ARRB1: variants seen among roughly 807,000 people sequenced by gnomAD.
ARRB1 encodes the protein beta-arrestin-1.
Under a neutral mutation model 56.8 loss-of-function variants are expected in ARRB1, and 21 were observed. That is an observed-to-expected ratio of 0.37 (90% CI 0.26 to 0.53). The LOEUF is 0.53. Among genes scored for constraint, ARRB1 ranks in the 20% least tolerant of loss-of-function variants. ARRB1 has a pLI of 0.88. For missense variants in ARRB1, 424 were observed against 553.7 expected (o/e 0.77, Z 2.35); for synonymous variants, 210 against 218.6 (o/e 0.96, Z 0.35).
At chr11:75,300,220 AAAG>A (rs1946868030) in intron 1 of ARRB1, among the ~76,000 whole-genome samples, 1 of 145,700 alleles carries the variant, frequency 6.9e-6, no homozygotes, top group African/African-American at 2.7e-5. Context: ...AAAAAAAAAA[AAAG>A]AAAGAAAGAA....
In ARRB1 at chr11:75,267,655, G is replaced by A. The variant is rs146037478; in HGVS notation, c.1142C>T (p.Thr381Ile). Residue 381 changes from threonine (T) to isoleucine (I), a missense_variant, in exon 15 of 16, where the codon ACA (threonine) becomes ATA (isoleucine). Thr to Ile is a moderately conservative substitution (Grantham distance 89). Transcript: ENST00000420843. ...CTGCAGGCAGGGTTCAGCTTACTTT[G>A]TGTCAAGTTCTATGAGATTGGTATC... ...PVDTNLIELD[T>I]NDDDIVFEDF... 7.6e-7 allele frequency: 1 copy of A among 1,319,498 alleles called. No homozygotes were observed. The highest frequency in any genetic ancestry group is 1.9e-5 in the Admixed American group (1 of 53,252). 81.7% of individuals were successfully genotyped at this position (1,319,498 alleles called of 1,614,324 possible). A position where few individuals can be genotyped will look rare whatever the true frequency, so the allele number is the denominator to read the frequency against.
In ARRB1 at chr11:75,268,750, G is replaced by A. The variant is rs1201602837; in HGVS notation, c.1093+139C>T. 19 of 877,882 alleles carry A rather than the reference G, an allele frequency of 2.2e-5. No homozygotes were observed. The East Asian group carries it at 5.1e-4, about 23-fold the overall frequency. The allele number at this position is 877,882 out of a possible 1,614,324, so 54.4% of individuals were successfully genotyped here. ...CCTGGTGGGGTCAGAAGCAAATCGA[G>A]TTCTGGACCCCACAAAAGATCTGGG... On this transcript the variant is annotated intron_variant, in intron 14 of 15. Transcript: ENST00000420843.
intron 1 of ARRB1, among the ~76,000 whole-genome samples, chr11:75,307,600 C>T (rs1012017778): frequency 6.6e-6 from 1 of 152,148 alleles, no homozygotes. Context: ...CCAGAGGGCA[C>T]GATCCCCATC....
intron 13 of ARRB1, chr11:75,269,332 C>T (rs35786880): frequency 0.078 from 31,357 of 401,916 alleles, 1,571 homozygotes; most frequent in East Asian, 0.23. Context: ...CAGCCACCCT[C>T]GCCTCCCCTG....
chr11:75,332,126 CT>C (rs1274996581), intron 1 of ARRB1, among the ~76,000 whole-genome samples: 5 of 151,934 alleles, frequency 3.3e-5, no homozygotes, highest in African/African-American at 1.2e-4. Context: ...TGCCCCACCC[CT>C]ATCTCTCTCT....
chr11:75,298,868 C>G (rs906831244), intron 1 of ARRB1, among the ~76,000 whole-genome samples: 5 of 151,602 alleles, frequency 3.3e-5, no homozygotes, highest in Non-Finnish European at 7.4e-5. Context: ...GGATGAAGTA[C>G]TGATTCATGC....
At chr11:75,292,552 G>C (rs760470936) in intron 1 of ARRB1, among the ~76,000 whole-genome samples, 11 of 152,208 alleles carry the variant, frequency 7.2e-5, no homozygotes, top group Non-Finnish European at 1.6e-4. Context: ...TGAAGCAGCA[G>C]CTCCCAAGCT....
intron 1 of ARRB1, among the ~76,000 whole-genome samples, chr11:75,313,001 C>T (rs1247011203): frequency 6.6e-5 from 10 of 152,178 alleles, no homozygotes; most frequent in Non-Finnish European, 8.8e-5. Flanking sequence ...GAGACTAATA[C>T]GACAGACATT....
chr11:75,282,026 CAAG>C lies in ARRB1; in HGVS notation c.355-8_355-6del, dbSNP rs1270359840. ...ACATGGAAGGTTTGGAGGGATCTGT[CAAG>C]AAGAGGACAGAACGAGCCACCTGTC... On this transcript the variant is annotated splice_polypyrimidine_tract_variant and splice_region_variant and intron_variant, in intron 5 of 15. Coordinates refer to ENST00000420843, the MANE Select transcript of ARRB1 (RefSeq NM_004041.5). 2 of 1,614,020 alleles carry C rather than the reference CAAG, an allele frequency of 1.2e-6. No individual in the cohort carries two copies. Among genetic ancestry groups the C allele is most frequent in the Non-Finnish European group, 1.7e-6 (2 of 1,179,982 alleles).
At chr11:75,332,302 C>A (rs1017662176) in intron 1 of ARRB1, among the ~76,000 whole-genome samples, 1 of 152,178 alleles carries the variant, frequency 6.6e-6, no homozygotes, top group Non-Finnish European at 1.5e-5. Context: ...TGTTTCTCTG[C>A]CATATCTTGA....
At chr11:75,313,169 A>C (rs1335077049) in intron 1 of ARRB1, among the ~76,000 whole-genome samples, 1 of 152,114 alleles carries the variant, frequency 6.6e-6, no homozygotes, top group Non-Finnish European at 1.5e-5. Context: ...CCTGGCCAAC[A>C]TGGTGAAACC....
At position 75,266,142 on chromosome 11, in the gene ARRB1, G is replaced by A. The variant is rs749886618; in HGVS notation, c.*21C>T. The A allele has an allele frequency of 5.6e-6, 9 of 1,593,880 alleles. No homozygotes were observed. The East Asian group carries it at 6.7e-5, about 12-fold the overall frequency. On this transcript the variant is annotated 3_prime_UTR_variant, in exon 16 of 16. Transcript: ENST00000420843. ...TGCACGAGAGTGGAGCCGGAGCCAC[G>A]TGGAGGCAGGGCCGGCCCGTCTATC... is the stretch of plus-strand genomic sequence containing the variant.
At chr11:75,291,872 A>G (rs997195355) in intron 1 of ARRB1, among the ~76,000 whole-genome samples, 5 of 152,328 alleles carry the variant, frequency 3.3e-5, no homozygotes, top group East Asian at 1.9e-4. Flanking sequence ...CCAGGAGCAC[A>G]GGGTCCAGTA....
chr11:75,292,408 T>A (rs1055331295), intron 1 of ARRB1, among the ~76,000 whole-genome samples: 1 of 152,234 alleles, frequency 6.6e-6, no homozygotes, highest in Admixed American at 6.5e-5. Context: ...CCCAAAGTGC[T>A]GGGATTACAG....
At chr11:75,309,013 A>G (rs540730997) in intron 1 of ARRB1, among the ~76,000 whole-genome samples, 55 of 152,380 alleles carry the variant, frequency 3.6e-4, no homozygotes, top group Admixed American at 1.2e-3. Context: ...ATTTTACAGA[A>G]TTGGAAACTG....
At chr11:75,351,414 C>T (rs1175435396) in intron 1 of ARRB1, among the ~76,000 whole-genome samples, 174 bp downstream of exon 1, 4 of 152,228 alleles carry the variant, frequency 2.6e-5, no homozygotes, top group Middle Eastern at 3.2e-3. Context: ...TTTGGGTCCC[C>T]CCGCCCACGG....
intron 1 of ARRB1, among the ~76,000 whole-genome samples, chr11:75,327,599 G>GTTT (rs1554982206): frequency 8.2e-4 from 120 of 146,728 alleles, no homozygotes; most frequent in African/African-American, 2.2e-3. Flanking sequence ...TTTTGTTTTT[G>GTTT]TTTTTTTTTT....
intron 1 of ARRB1, among the ~76,000 whole-genome samples, chr11:75,343,310 G>T (rs1302798883): frequency 2.6e-5 from 4 of 152,124 alleles, no homozygotes; most frequent in Admixed American, 2.6e-4. Context: ...TTGAAGGATG[G>T]GACAGCTGTT....
At chr11:75,269,046 G>T in intron 13 of ARRB1, 87 bp from the exon 14 acceptor site, 1 of 1,450,554 alleles carries the variant, frequency 6.9e-7, no homozygotes. Context: ...TCCGAGGACT[G>T]CAGAGGGTTT....
Sources: allele counts gnomAD v4.1 joint callset (sites outside exome capture counted in the v4.1 genomes callset), GRCh38; gene constraint gnomAD v4.1.1; transcripts MANE v1.5; gene names NCBI Gene and HGNC (gene_info 2026-07-23, HGNC 2026-07-21).